Variants in CD101 observed in about 807,000 individuals in gnomAD.
CD101 encodes the protein immunoglobulin superfamily member 2.
CD101 carries 76 observed loss-of-function variants against 98.2 expected under a neutral mutation model. The observed-to-expected ratio is 0.77, with a 90% CI of 0.64 to 0.94. The LOEUF (loss-of-function observed/expected upper bound fraction) is 0.94. Ranked by LOEUF, CD101 falls within the 40% of genes least tolerant of loss-of-function variation. The pLI is 0.00. For synonymous variants in CD101, 471 were observed against 472.7 expected (o/e 1.00, Z 0.05); for missense variants, 1,145 against 1,218.8 (o/e 0.94, Z 0.90).
chr1:117,034,345 A>C, intron 9 of CD101: 1 of 510,390 alleles, frequency 2.0e-6, no homozygotes, highest in Non-Finnish European at 3.5e-6. Flanking sequence ...ATTACCCTAC[A>C]TCTCTTGAAG....
intron 9 of CD101, 120 bp downstream of exon 9, chr1:117,034,254 T>C: frequency 3.5e-6 from 3 of 866,372 alleles, no homozygotes; most frequent in Non-Finnish European, 5.3e-6. Context: ...TGAGTGCTTA[T>C]TGGTTCTACG....
chr1:117,009,836 C>G lies in CD101; in HGVS notation c.44-14C>G, dbSNP rs1238653361. ...AATCTCTTTTTATTCCCCTTTCTTTCTCCTACTTACAAGCTAAGCTCAGCA... is the reference window on the plus strand; with the variant it reads ...AATCTCTTTTTATTCCCCTTTCTTTGTCCTACTTACAAGCTAAGCTCAGCA... On this transcript the variant is annotated splice_polypyrimidine_tract_variant and intron_variant, in intron 1 of 9. Transcript: ENST00000682167. 6.3e-7 allele frequency: 1 copy of G among 1,578,146 alleles called. No homozygotes were observed.
In CD101 at chr1:117,019,252, G is replaced by A. The variant is rs181444871; in HGVS notation, c.2017+692G>A. On this transcript the variant is annotated intron_variant, in intron 6 of 9. Coordinates refer to ENST00000682167, the MANE Select transcript of CD101 (RefSeq NM_001256106.3). The surrounding 1 kb of genome is among the most constrained non-coding windows in gnomAD (Gnocchi z 4.3). ...CAGCTTTGGATGAGACACTTAATCT[G>A]CTGAAGCCTTAGTTACCTGATCTGT... 8.5e-5 allele frequency among the ~76,000 whole-genome samples: 13 copies of A among 152,294 alleles called. No individual in the cohort carries two copies. Among genetic ancestry groups the A allele is most frequent in the Admixed American group, 7.2e-4 (11 of 15,300 alleles).
chr1:117,013,437 C>T lies in CD101; in HGVS notation c.873C>T (p.Asp291=). ...VKDFQVNITA[D]SLFAEGKPLE... The stretch of plus-strand genomic sequence containing the variant: ...ATTTTCAAGTCAACATTACAGCTGA[C>T]AGCTTGTTTGCTGAAGGGAAACCCT... The change falls in exon 4 of 10, where the codon GAC becomes GAT. Residue 291 remains aspartate (D), a synonymous_variant. Transcript: ENST00000682167. The T allele has an allele frequency of 6.2e-7, 1 of 1,611,366 alleles. No homozygotes were observed. The highest frequency in any genetic ancestry group is 8.5e-7 in the Non-Finnish European group (1 of 1,178,270).
At position 117,002,692 on chromosome 1, in the gene CD101, T is replaced by C. The variant is rs1244570008; in HGVS notation, c.43+832T>C. 3.9e-5 allele frequency among the ~76,000 whole-genome samples: 6 copies of C among 152,340 alleles called. No homozygotes were observed. In the East Asian group the frequency reaches 1.2e-3, roughly 29 times the overall value. On this transcript the variant is annotated intron_variant, in intron 1 of 9. Transcript: ENST00000682167. ...TTGAAATACAGGTATCAAAATATTT[T>C]AAATAAATTATAATGCAGTAATTTA...
chr1:117,013,788 A>G lies in CD101; in HGVS notation c.1224A>G (p.Pro408=). Residue 408 remains proline, a synonymous_variant, in exon 4 of 10, where the codon CCA becomes CCG. Coordinates refer to ENST00000682167, the MANE Select transcript of CD101 (RefSeq NM_001256106.3). ...SPDSHVHLRK[P]AARSVVMSTK... Reference sequence around the variant, plus strand: ...ACAGCCACGTGCACCTGAGGAAGCCAGCAGGTACGTAAAGTCAAGGCCAGG... The same window carrying G: ...ACAGCCACGTGCACCTGAGGAAGCCGGCAGGTACGTAAAGTCAAGGCCAGG... 1 of 1,609,432 alleles carries G rather than the reference A, an allele frequency of 6.2e-7. No homozygotes were observed. The highest frequency in any genetic ancestry group is 8.5e-7 in the Non-Finnish European group (1 of 1,178,314).
rs954792125 is a variant in CD101 at position 117,018,062 on chromosome 1, T to G, written c.1613-94T>G. The G allele has an allele frequency of 9.5e-7, 1 of 1,047,772 alleles. No homozygotes were observed. Among genetic ancestry groups the G allele is most frequent in the Non-Finnish European group, 1.4e-6 (1 of 735,030 alleles). The allele number at this position is 1,047,772 out of a possible 1,614,324, so 64.9% of individuals were successfully genotyped here. A position where few individuals can be genotyped will look rare whatever the true frequency, so the allele number is the denominator to read the frequency against. ...AAACTCCAAATGTACAAATGCATGG[T>G]CCTAGTCAAAGAGGTGGCAACTAGA... On this transcript the variant is annotated intron_variant, in intron 5 of 9. Coordinates refer to ENST00000682167, the MANE Select transcript of CD101 (RefSeq NM_001256106.3). This position sits in a 1 kb window ranked among gnomAD's most constrained non-coding sequence, Gnocchi z 4.3.
intron 1 of CD101, among the ~76,000 whole-genome samples, chr1:117,007,016 G>T (rs1030170681): frequency 1.3e-5 from 2 of 152,082 alleles, no homozygotes; most frequent in Non-Finnish European, 2.9e-5. Flanking sequence ...GTGTTGCCTA[G>T]CCACCAAAAA....
In CD101 at chr1:117,025,720, G is replaced by T; in HGVS notation, c.2640G>T (p.Arg880Ser). 6.2e-7 allele frequency: 1 copy of T among 1,614,174 alleles called. No homozygotes were observed. The highest frequency in any genetic ancestry group is 1.1e-5 in the South Asian group (1 of 91,084). ...LLEYGEEGLR[R>S]HLHCYRSSST... is the part of the protein sequence containing the mutation. ...AGTATGGGGAAGAGGGGCTCAGGAG[G>T]CACCTGCACTGTTACCGTTCATCCT... Residue 880 changes from arginine to serine, a missense_variant, in exon 8 of 10, where the codon AGG becomes AGT. Arg to Ser is a moderately radical substitution (Grantham distance 110, BLOSUM62 -1). Transcript: ENST00000682167.
At chr1:117,017,595 C>T (rs1190271613) in intron 5 of CD101, 122 bp downstream of exon 5, 10 of 959,232 alleles carry the variant, frequency 1.0e-5, no homozygotes, top group Admixed American at 2.5e-5. Flanking sequence ...GGACACAGAG[C>T]TAGTCTCTGG....
Position 117,019,335 on chromosome 1 carries a change from A to T in CD101, c.2017+775A>T, listed in dbSNP as rs986484867. On this transcript the variant is annotated intron_variant, in intron 6 of 9. Coordinates refer to ENST00000682167, the MANE Select transcript of CD101 (RefSeq NM_001256106.3). This position sits in a 1 kb window ranked among gnomAD's most constrained non-coding sequence, Gnocchi z 4.3. The stretch of plus-strand genomic sequence containing the variant: ...ATATATAACATGCCGAGTACCTGAC[A>T]CACCAAGATGACGCTCAAACGTGGT... 6.6e-6 allele frequency among the ~76,000 whole-genome samples: 1 copy of T among 152,190 alleles called. No homozygotes were observed. Among genetic ancestry groups the T allele is most frequent in the African/African-American group, 2.4e-5 (1 of 41,434 alleles).
intron 7 of CD101, among the ~76,000 whole-genome samples, chr1:117,024,751 C>G (rs1406186807): frequency 6.6e-6 from 1 of 152,122 alleles, no homozygotes; most frequent in Non-Finnish European, 1.5e-5. Context: ...ATGGCGTCCT[C>G]TCTCTCTGCG....
rs1195611107 is a variant in CD101, at chr1:117,022,810, A to AAG, written c.2428+828_2428+829dup. ...TAAAGAAGGCACAGCCCTGGCCCTT[A>AAG]AGGAGCTCCCAGTCTGGTGGGACAA... On this transcript the variant is annotated intron_variant, in intron 7 of 9. Coordinates refer to ENST00000682167, the MANE Select transcript of CD101 (RefSeq NM_001256106.3). This position sits in a 1 kb window ranked among gnomAD's most constrained non-coding sequence, Gnocchi z 4.8. Among the ~76,000 whole-genome samples the AAG allele has an allele frequency of 6.6e-6, 1 of 152,202 alleles. No homozygotes were observed. Among genetic ancestry groups the AAG allele is most frequent in the African/African-American group, 2.4e-5 (1 of 41,450 alleles).
chr1:117,001,763 C>T lies in CD101; in HGVS notation c.-55C>T. ...CAGTGAGAGCACAGCATTTGTCACT[C>T]AACCTCTGAATGTTAGTGACACTAT... On this transcript the variant is annotated 5_prime_UTR_variant, in exon 1 of 10. Coordinates refer to ENST00000682167, the MANE Select transcript of CD101 (RefSeq NM_001256106.3). 3 of 1,546,674 alleles carry T rather than the reference C, an allele frequency of 1.9e-6. No homozygotes were observed. The Admixed American group carries it at 5.1e-5, about 26-fold the overall frequency.
chr1:117,020,750 G>A (rs1653529665), intron 6 of CD101, among the ~76,000 whole-genome samples: 1 of 152,168 alleles, frequency 6.6e-6, no homozygotes, highest in Non-Finnish European at 1.5e-5. Context: ...GAGCCACTGA[G>A]GGAAGATATC....
rs1485267596 is a variant in CD101 at position 117,022,472 on chromosome 1, C to G, written c.2428+489C>G. On this transcript the variant is annotated intron_variant, in intron 7 of 9. Coordinates refer to ENST00000682167, the MANE Select transcript of CD101 (RefSeq NM_001256106.3). The surrounding 1 kb of genome is among the most constrained non-coding windows in gnomAD (Gnocchi z 4.8). ...TAAGAGTAGTTAACTGTTGGAATGGCTTACTGAGGGAGTCTCCTCTTCCTC... is the reference window on the plus strand; with the variant it reads ...TAAGAGTAGTTAACTGTTGGAATGGGTTACTGAGGGAGTCTCCTCTTCCTC... Among the ~76,000 whole-genome samples, 1 of 152,140 alleles carries G rather than the reference C, an allele frequency of 6.6e-6. No homozygotes were observed. The highest frequency in any genetic ancestry group is 2.4e-5 in the African/African-American group (1 of 41,428).
chr1:117,025,276 T>G (rs546204796), intron 7 of CD101, among the ~76,000 whole-genome samples: 8 of 152,060 alleles, frequency 5.3e-5, no homozygotes, highest in Admixed American at 2.0e-4. Flanking sequence ...GGCAGGAGAA[T>G]TGCTTGAACC....
chr1:117,001,867 T>C lies in CD101; in HGVS notation c.43+7T>C. On this transcript the variant is annotated splice_region_variant and intron_variant, in intron 1 of 9. Transcript: ENST00000682167. Reference sequence around the variant, plus strand: ...TCTTTCTTTCTCCTTCTGAGTAAGTTTCATAATCCTTTATGTTTCTCTTGT... The same window carrying C: ...TCTTTCTTTCTCCTTCTGAGTAAGTCTCATAATCCTTTATGTTTCTCTTGT... 1 of 1,613,862 alleles carries C rather than the reference T, an allele frequency of 6.2e-7. No homozygotes were observed. The highest frequency in any genetic ancestry group is 8.5e-7 in the Non-Finnish European group (1 of 1,179,722).
At chr1:117,013,864 G>T (rs140575714) in intron 4 of CD101, 72 bp downstream of exon 4, 1 of 1,427,452 alleles carries the variant, frequency 7.0e-7, no homozygotes, top group African/African-American at 1.4e-5. Flanking sequence ...AGACCCCTTC[G>T]TGGATACAAT....
Sources: gnomAD v4.1 joint callset for allele counts (sites outside exome capture counted in the v4.1 genomes callset) on GRCh38, gnomAD v4.1.1 for gene constraint, Gnocchi (gnomAD v3.1) non-coding constraint, MANE v1.5 for transcripts, NCBI Gene and HGNC (gene_info 2026-07-23, HGNC 2026-07-21) for gene names.